The following PAPOLA variants were observed in gnomAD, a reference collection of about 807,000 sequenced individuals.
The protein encoded by PAPOLA is polynucleotide adenylyltransferase alpha.
PAPOLA carries 15 observed loss-of-function variants against 100.6 expected under a neutral mutation model. The ratio of observed to expected loss-of-function variants is 0.15; its 90% confidence interval spans 0.10 to 0.23. The LOEUF is 0.23. PAPOLA is among the 10% of genes least tolerant of loss of function. The pLI is 1.00. For missense variants in PAPOLA, 533 were observed against 884.2 expected (o/e 0.60, Z 5.04); for synonymous variants, 293 against 300.0 (o/e 0.98, Z 0.24).
chr14:96,506,033 A>T (rs1216426827), intron 1 of PAPOLA, among the ~76,000 whole-genome samples: 2 of 152,066 alleles, frequency 1.3e-5, no homozygotes, highest in Admixed American at 1.3e-4. Context: ...CCTTCCAAGT[A>T]TCTGGGACTA....
intron 1 of PAPOLA, among the ~76,000 whole-genome samples, chr14:96,518,011 C>T (rs976359167): frequency 3.9e-5 from 6 of 152,128 alleles, no homozygotes; most frequent in African/African-American, 1.4e-4. Flanking sequence ...GGCCAGTCTT[C>T]AGCAAATGCT....
intron 1 of PAPOLA, among the ~76,000 whole-genome samples, chr14:96,514,512 A>G (rs564801418): frequency 1.3e-4 from 20 of 152,284 alleles, no homozygotes; most frequent in African/African-American, 4.6e-4. Context: ...TACTGTACCA[A>G]GGTGGTTCTT....
intron 9 of PAPOLA, chr14:96,532,893 A>G: frequency 8.4e-7 from 1 of 1,183,572 alleles, no homozygotes; most frequent in Non-Finnish European, 1.0e-6. Context: ...CCCTCTGAAT[A>G]AACTCTGAAT....
intron 13 of PAPOLA, chr14:96,542,521 GT>G: frequency 1.9e-6 from 1 of 540,096 alleles, no homozygotes; most frequent in African/African-American, 2.0e-5. Flanking sequence ...TTTCTTAATT[GT>G]ATATTTAAAG....
At chr14:96,559,392 C>A (rs1343804044) in intron 19 of PAPOLA, among the ~76,000 whole-genome samples, 1 of 151,832 alleles carries the variant, frequency 6.6e-6, no homozygotes, top group Non-Finnish European at 1.5e-5. Context: ...CAGTAATGCA[C>A]TAACGTGTAT....
At chr14:96,532,248 A>G in intron 7 of PAPOLA, 83 bp from the exon 8 acceptor site, 1 of 1,460,246 alleles carries the variant, frequency 6.8e-7, no homozygotes, top group Non-Finnish European at 9.0e-7. Flanking sequence ...TAAACTTTTG[A>G]TGATTTAATG....
At position 96,502,762 on chromosome 14, in the gene PAPOLA, C is replaced by T. The variant is rs374559596; in HGVS notation, c.8+162C>T. ...ACCTTCCTGTTTCCTCGCTCGCTCG[C>T]CGCCGCACTTCCCCCCGTGTGCTGG... On this transcript the variant is annotated intron_variant, in intron 1 of 21. Transcript: ENST00000216277. 975 of 638,458 alleles carry T rather than the reference C, an allele frequency of 1.5e-3. 11 individuals are homozygous for T. In the African/African-American group the frequency reaches 0.042, roughly 28 times the overall value. 39.5% of individuals were successfully genotyped at this position (638,458 alleles called of 1,614,324 possible).
intron 3 of PAPOLA, among the ~76,000 whole-genome samples, chr14:96,521,911 C>T (rs1898000575): frequency 6.6e-6 from 1 of 152,134 alleles, no homozygotes; most frequent in African/African-American, 2.4e-5. Flanking sequence ...AAGTGATTCT[C>T]ATGCCTCAGC....
At chr14:96,562,213 T>A (rs564283352) in intron 20 of PAPOLA, among the ~76,000 whole-genome samples, 14 of 152,212 alleles carry the variant, frequency 9.2e-5, no homozygotes, top group Non-Finnish European at 1.9e-4. Context: ...TTTCATTTAT[T>A]TGTGTAGATA....
chr14:96,547,395 T>C (rs1489422322), intron 15 of PAPOLA, among the ~76,000 whole-genome samples: 1 of 152,200 alleles, frequency 6.6e-6, no homozygotes, highest in Non-Finnish European at 1.5e-5. Flanking sequence ...AGGTATAGTT[T>C]AATAAGTTTG....
At chr14:96,553,048 C>CT (rs1257519959) in intron 17 of PAPOLA, 1 of 154,212 alleles carries the variant, frequency 6.5e-6, no homozygotes, top group African/African-American at 2.4e-5. Context: ...AGATATCTGT[C>CT]TAACATTTAC....
intron 1 of PAPOLA, chr14:96,502,903 C>G (rs1015787101): frequency 2.3e-5 from 9 of 386,294 alleles, no homozygotes; most frequent in African/African-American, 1.5e-4. Context: ...AGCTTCTCCG[C>G]CCCGTCCACA....
intron 12 of PAPOLA, among the ~76,000 whole-genome samples, chr14:96,538,713 C>G (rs940218866): frequency 6.6e-6 from 1 of 151,978 alleles, no homozygotes; most frequent in Non-Finnish European, 1.5e-5. Context: ...AGAAATTTGC[C>G]TCTTTAAGAT....
At chr14:96,556,147 T>G in intron 18 of PAPOLA, 28 bp from the exon 19 acceptor site, 1 of 1,531,044 alleles carries the variant, frequency 6.5e-7, no homozygotes, top group Non-Finnish European at 9.0e-7. Context: ...TATTTTAATT[T>G]GTATATACTC....
intron 6 of PAPOLA, among the ~76,000 whole-genome samples, chr14:96,529,750 A>C (rs1898827689): frequency 6.6e-6 from 1 of 152,040 alleles, no homozygotes; most frequent in South Asian, 2.1e-4. Flanking sequence ...ACAAAAAAAA[A>C]GTGATCTTAT....
At chr14:96,508,435 A>C (rs1010298785) in intron 1 of PAPOLA, among the ~76,000 whole-genome samples, 1 of 152,282 alleles carries the variant, frequency 6.6e-6, no homozygotes, top group South Asian at 2.1e-4. Context: ...TTTTCAGTCC[A>C]TATTTTTTGG....
At chr14:96,528,503 A>G (rs1444874261) in intron 6 of PAPOLA, among the ~76,000 whole-genome samples, 1 of 152,230 alleles carries the variant, frequency 6.6e-6, no homozygotes, top group Non-Finnish European at 1.5e-5. Context: ...TAAAGTTGAC[A>G]GTGAAGCAAC....
intron 1 of PAPOLA, among the ~76,000 whole-genome samples, chr14:96,510,632 A>T (rs989731767): frequency 6.6e-6 from 1 of 152,164 alleles, no homozygotes; most frequent in African/African-American, 2.4e-5. Context: ...TATCATACAT[A>T]CTTTATTCCC....
At chr14:96,524,731 G>A (rs370905871) in intron 3 of PAPOLA, among the ~76,000 whole-genome samples, 3 of 152,088 alleles carry the variant, frequency 2.0e-5, no homozygotes, top group African/African-American at 7.2e-5. Flanking sequence ...ACATGTTGCC[G>A]AAGCTGGTCT....
Sources: gnomAD v4.1 joint callset for allele counts (sites outside exome capture counted in the v4.1 genomes callset) on GRCh38, gnomAD v4.1.1 for gene constraint, MANE v1.5 for transcripts, NCBI Gene and HGNC (gene_info 2026-07-23, HGNC 2026-07-21) for gene names.